TECTA: variants seen among roughly 807,000 people sequenced by gnomAD.
The protein encoded by TECTA is alpha-tectorin.
Under a neutral mutation model 216.8 loss-of-function variants are expected in TECTA, and 128 were observed. The observed-to-expected ratio is 0.59, with a 90% CI of 0.51 to 0.68. The LOEUF (loss-of-function observed/expected upper bound fraction) is 0.68, where lower values mean the gene tolerates loss of function less well. Among genes scored for constraint, TECTA ranks in the 30% least tolerant of loss-of-function variants. The pLI, the probability that TECTA is intolerant of heterozygous loss-of-function variation, is 0.00. For missense variants in TECTA, 2,551 were observed against 2,786.2 expected (o/e 0.92, Z 1.90); for synonymous variants, 1,089 against 1,117.1 (o/e 0.97, Z 0.50).
At chr11:121,156,975 C>T (rs1292033048) in intron 13 of TECTA, among the ~76,000 whole-genome samples, 1 of 151,974 alleles carries the variant, frequency 6.6e-6, no homozygotes, top group African/African-American at 2.4e-5. Flanking sequence ...ATTCAGGACA[C>T]GTGGGAATGA....
At chr11:121,119,191 C>T (rs1234925714) in intron 7 of TECTA, among the ~76,000 whole-genome samples, 1 of 152,138 alleles carries the variant, frequency 6.6e-6, no homozygotes, top group Non-Finnish European at 1.5e-5. Context: ...ACCTCAGCCC[C>T]AATTCTGTTT....
At chr11:121,151,831 T>TGTATAGG (rs1946893073) in intron 12 of TECTA, among the ~76,000 whole-genome samples, 1 of 152,222 alleles carries the variant, frequency 6.6e-6, no homozygotes, top group African/African-American at 2.4e-5. Flanking sequence ...ATATAGATAC[T>TGTATAGG]GTATAGGGTA....
Position 121,165,291 on chromosome 11 carries a change from C to A in TECTA, c.5291C>A (p.Pro1764His). 6.2e-7 allele frequency: 1 copy of A among 1,606,356 alleles called. No individual in the cohort carries two copies. Among genetic ancestry groups the A allele is most frequent in the Non-Finnish European group, 8.5e-7 (1 of 1,176,614 alleles). ...TTTTTAGCAGGAGTGGTTGAAGATC[C>A]CTGTGTGGGGGCGGACTGTCCCAAC... is the stretch of plus-strand genomic sequence containing the variant. ...KENCSGVVED[P>H]CVGADCPNRT... Residue 1764 changes from proline to histidine, a missense_variant, in exon 17 of 24, where the codon CCC becomes CAC. Pro to His is a moderately conservative substitution (Grantham distance 77, BLOSUM62 -2). Transcript: ENST00000392793.
Position 121,146,130 on chromosome 11 carries a change from G to C in TECTA, c.4105+14G>C, listed in dbSNP as rs755157873. On this transcript the variant is annotated intron_variant, in intron 12 of 23. Coordinates refer to ENST00000392793, the MANE Select transcript of TECTA (RefSeq NM_005422.4). ...ACACGTCCTGCAGTGAGTCCTTCTC[G>C]TTGTCCCTCCTTGTAGCTTCTCCTC... 3.7e-6 allele frequency: 6 copies of C among 1,603,086 alleles called. No homozygotes were observed. Among genetic ancestry groups the C allele is most frequent in the Non-Finnish European group, 5.1e-6 (6 of 1,179,888 alleles).
chr11:121,105,882 C>G lies in TECTA; in HGVS notation c.116C>G (p.Pro39Arg). 6.2e-7 allele frequency: 1 copy of G among 1,614,210 alleles called. No homozygotes were observed. The highest frequency in any genetic ancestry group is 8.5e-7 in the Non-Finnish European group (1 of 1,180,042). The change falls in exon 3 of 24, where the codon CCT becomes CGT. Residue 39 changes from proline (P) to arginine (R), a missense_variant. Pro to Arg is a moderately radical substitution (Grantham distance 103). This residue lies in a region of TECTA where 2,375 missense variants were observed against 2,563.9 expected (regional missense o/e 0.93). Coordinates refer to ENST00000392793, the MANE Select transcript of TECTA (RefSeq NM_005422.4). This position sits in a 1 kb window ranked among gnomAD's most constrained non-coding sequence, Gnocchi z 5.3. ...YPFWQNDTKT[P>R]KVDDGSSSEI... ...TTTTGGCAGAATGACACCAAAACCC[C>G]TAAAGTAGATGATGGAAGCTCATCT... is the stretch of plus-strand genomic sequence containing the variant.
At chr11:121,157,793 A>C in intron 13 of TECTA, 48 bp from the exon 14 acceptor site, 1 of 1,612,150 alleles carries the variant, frequency 6.2e-7, no homozygotes, top group Non-Finnish European at 8.5e-7. Flanking sequence ...TCGGGTCCCC[A>C]GCCCTGACCA....
intron 20 of TECTA, among the ~76,000 whole-genome samples, chr11:121,186,901 A>G (rs1947293855): frequency 6.6e-6 from 1 of 152,210 alleles, no homozygotes; most frequent in Non-Finnish European, 1.5e-5. Context: ...TCACTCATTC[A>G]TTCATCTGAC....
intron 4 of TECTA, chr11:121,109,900 C>T: frequency 4.7e-6 from 1 of 214,216 alleles, no homozygotes; most frequent in Non-Finnish European, 9.5e-6. Flanking sequence ...TCTCTCCATC[C>T]CTGATTTCCT....
At chr11:121,155,664 A>G (rs752039755) in intron 13 of TECTA, among the ~76,000 whole-genome samples, 2 of 152,212 alleles carry the variant, frequency 1.3e-5, no homozygotes, top group Non-Finnish European at 2.9e-5. Flanking sequence ...AGACAGAAGC[A>G]TAGGCCTTTT....
intron 20 of TECTA, among the ~76,000 whole-genome samples, chr11:121,180,134 T>C (rs1353273743): frequency 1.3e-5 from 2 of 152,108 alleles, no homozygotes; most frequent in Non-Finnish European, 2.9e-5. Context: ...TTCTCTCTTA[T>C]CATTTATTAT....
chr11:121,102,332 G>A (rs1368106829), intron 1 of TECTA, among the ~76,000 whole-genome samples: 2 of 152,194 alleles, frequency 1.3e-5, no homozygotes, highest in South Asian at 4.1e-4. Flanking sequence ...TTGGGTCCTA[G>A]TTTTCAGCGC....
intron 10 of TECTA, among the ~76,000 whole-genome samples, chr11:121,132,190 T>C (rs1946681432): frequency 6.6e-6 from 1 of 152,254 alleles, no homozygotes; most frequent in Admixed American, 6.5e-5. Flanking sequence ...GGCATTCTAC[T>C]GTAAAGAGAT....
intron 10 of TECTA, among the ~76,000 whole-genome samples, chr11:121,130,420 C>T (rs1367887453): frequency 6.6e-6 from 1 of 152,166 alleles, no homozygotes; most frequent in Non-Finnish European, 1.5e-5. Context: ...CCTAACTGCA[C>T]AGTACCTCCT....
chr11:121,156,308 G>A (rs1316041946), intron 13 of TECTA, among the ~76,000 whole-genome samples: 1 of 152,070 alleles, frequency 6.6e-6, no homozygotes, highest in African/African-American at 2.4e-5. Context: ...TGGAGTAGCT[G>A]GGACTACAGG....
chr11:121,159,081 T>C (rs2135121934), intron 14 of TECTA, among the ~76,000 whole-genome samples: 1 of 152,298 alleles, frequency 6.6e-6, no homozygotes, highest in African/African-American at 2.4e-5. Flanking sequence ...TTGAGTGTTA[T>C]TGTGTGTATC....
chr11:121,144,341 G>A (rs1175553444), intron 11 of TECTA, among the ~76,000 whole-genome samples: 1 of 152,124 alleles, frequency 6.6e-6, no homozygotes, highest in Non-Finnish European at 1.5e-5. Context: ...GGACAATCCT[G>A]GGGCCAGGGG....
intron 10 of TECTA, among the ~76,000 whole-genome samples, chr11:121,133,430 C>A (rs957364458): frequency 6.6e-6 from 1 of 152,314 alleles, no homozygotes; most frequent in African/African-American, 2.4e-5. Context: ...GTTGACTGAG[C>A]AATGTTCTTT....
At chr11:121,151,508 T>C (rs1255494436) in intron 12 of TECTA, among the ~76,000 whole-genome samples, 1 of 152,180 alleles carries the variant, frequency 6.6e-6, no homozygotes, top group Non-Finnish European at 1.5e-5. Flanking sequence ...CAAAAAATAA[T>C]GGACAAGGCA....
Position 121,160,263 on chromosome 11 carries a change from T to C in TECTA, c.4818T>C (p.Ile1606=). Residue 1606 remains isoleucine (I), a synonymous_variant, in exon 15 of 24, where the codon ATT becomes ATC. Coordinates refer to ENST00000392793, the MANE Select transcript of TECTA (RefSeq NM_005422.4). ...IQIYYNGFNV[I]KISISERLQN... ...TATACTACAATGGTTTCAACGTCAT[T>C]AAAATCAGCATCAGCGAGAGGCTGC... The C allele has an allele frequency of 6.2e-7, 1 of 1,614,124 alleles. No individual in the cohort carries two copies. The highest frequency in any genetic ancestry group is 8.5e-7 in the Non-Finnish European group (1 of 1,180,038).
Sources: allele counts gnomAD v4.1 joint callset (sites outside exome capture counted in the v4.1 genomes callset), GRCh38; gene constraint gnomAD v4.1.1; regional missense constraint gnomAD v4.1.1; non-coding constraint Gnocchi (gnomAD v3.1); transcripts MANE v1.5; gene names NCBI Gene and HGNC (gene_info 2026-07-23, HGNC 2026-07-21).